Variants in PYROXD1 observed in about 807,000 individuals in gnomAD.
The protein encoded by PYROXD1 is tRNA ligase complex-associated NAD(P)H dehydrogenase PYROXD1.
PYROXD1 carries 42 observed loss-of-function variants against 62.0 expected under a neutral mutation model. That is an observed-to-expected ratio of 0.68 (90% confidence interval 0.53 to 0.88). PYROXD1 has a LOEUF of 0.88. PYROXD1 is among the 40% of genes least tolerant of loss of function. The probability of loss-of-function intolerance (pLI) is 0.00; values close to 1 mark genes in which losing one functional copy is unlikely to be tolerated. For missense variants in PYROXD1, 493 were observed against 604.8 expected, an observed-to-expected ratio of 0.82 and a Z score of 1.94; for synonymous variants, 170 against 206.4, an observed-to-expected ratio of 0.82 and a Z score of 1.51.
Position 21,470,384 on chromosome 12 carries a change from T to G in PYROXD1, c.*1630T>G. The stretch of plus-strand genomic sequence containing the variant: ...AAAAAAAACAAAGCAAGCACCTTGG[T>G]AAAAATCCAGCTATTCAGTTTTCTC... On this transcript the variant is annotated 3_prime_UTR_variant, in exon 12 of 12. Transcript: ENST00000240651. 1 of 1,502,696 alleles carries G rather than the reference T, an allele frequency of 6.7e-7. No homozygotes were observed. The highest frequency in any genetic ancestry group is 8.9e-7 in the Non-Finnish European group (1 of 1,129,492). The allele number at this position is 1,502,696 out of a possible 1,614,324, so 93.1% of individuals were successfully genotyped here. A position where few individuals can be genotyped will look rare whatever the true frequency, so the allele number is the denominator to read the frequency against.
intron 7 of PYROXD1, among the ~76,000 whole-genome samples, chr12:21,460,214 C>T (rs11046070): frequency 0.49 from 74,588 of 151,526 alleles, 18,416 homozygotes; most frequent in Middle Eastern, 0.59. Context: ...GTCCCTTCTT[C>T]TTGCACCTTC....
At chr12:21,454,801 A>G (rs1942565652) in intron 5 of PYROXD1, 2 of 161,876 alleles carry the variant, frequency 1.2e-5, no homozygotes, top group African/African-American at 4.8e-5. Flanking sequence ...AGCACTGCTT[A>G]CCCCTGGGGG....
Position 21,446,313 on chromosome 12 carries a change from A to G in PYROXD1, c.285+847A>G, listed in dbSNP as rs183557996. On this transcript the variant is annotated intron_variant, in intron 3 of 11. Transcript: ENST00000240651. ...TGGCGTGCACCTGTTAGTCCCAGCT[A>G]CTCGGGAGACTTGAGGCAGGAGAAT... Among the ~76,000 whole-genome samples, 6 of 112,228 alleles carry G rather than the reference A, an allele frequency of 5.3e-5. No homozygotes were observed. The East Asian group carries it at 1.7e-3, about 32-fold the overall frequency. 73.6% of individuals were successfully genotyped at this position (112,228 alleles called of 152,430 possible). A position where few individuals can be genotyped will look rare whatever the true frequency, so the allele number is the denominator to read the frequency against.
intron 6 of PYROXD1, 77 bp from the exon 7 acceptor site, chr12:21,455,918 C>T: frequency 1.2e-6 from 1 of 832,990 alleles, no homozygotes; most frequent in South Asian, 1.5e-5. Flanking sequence ...CATTACATTG[C>T]CTAAATAAAA....
chr12:21,442,572 T>G (rs1942315979), intron 2 of PYROXD1, among the ~76,000 whole-genome samples: 1 of 152,188 alleles, frequency 6.6e-6, no homozygotes. Context: ...CCGTAGAACC[T>G]GGGTCTGAGG....
intron 3 of PYROXD1, chr12:21,448,132 C>T: frequency 1.5e-6 from 1 of 675,118 alleles, no homozygotes; most frequent in South Asian, 1.5e-5. Flanking sequence ...TCTCTTTTTA[C>T]AGTAAATTCA....
At chr12:21,459,968 A>G (rs911045178) in intron 7 of PYROXD1, among the ~76,000 whole-genome samples, 1 of 152,216 alleles carries the variant, frequency 6.6e-6, no homozygotes, top group African/African-American at 2.4e-5. Flanking sequence ...GATTGGAAAT[A>G]CACACTTAAT....
intron 10 of PYROXD1, among the ~76,000 whole-genome samples, chr12:21,464,137 G>T (rs866689319): frequency 0.056 from 8,229 of 146,842 alleles, 293 homozygotes; most frequent in African/African-American, 0.1. Context: ...GAGTTTATGG[G>T]TTTTTTTTTT....
At position 21,470,735 on chromosome 12, in the gene PYROXD1, C is replaced by T; in HGVS notation, c.*1981C>T. 1 of 346,194 alleles carries T rather than the reference C, an allele frequency of 2.9e-6. No homozygotes were observed. The allele number at this position is 346,194 out of a possible 1,614,324, so 21.4% of individuals were successfully genotyped here. A position where few individuals can be genotyped will look rare whatever the true frequency, so the allele number is the denominator to read the frequency against. ...ACAAAATTAGATATTCAAACGGAGTCCTCCCATTCCAAGAAACTGGAAACC... is the reference window on the plus strand; with the variant it reads ...ACAAAATTAGATATTCAAACGGAGTTCTCCCATTCCAAGAAACTGGAAACC... On this transcript the variant is annotated 3_prime_UTR_variant, in exon 12 of 12. Transcript: ENST00000240651.
At chr12:21,449,231 G>A (rs1217232091) in intron 3 of PYROXD1, among the ~76,000 whole-genome samples, 1 of 152,048 alleles carries the variant, frequency 6.6e-6, no homozygotes, top group South Asian at 2.1e-4. Context: ...TTAACGTGGG[G>A]TCAACATACC....
At chr12:21,450,885 A>G (rs7303408) in intron 4 of PYROXD1, among the ~76,000 whole-genome samples, 5 of 151,894 alleles carry the variant, frequency 3.3e-5, no homozygotes, top group African/African-American at 1.2e-4. Context: ...ATTACTCCCA[A>G]TTTACAAATA....
At chr12:21,461,004 C>T in intron 7 of PYROXD1, 21 bp from the exon 8 acceptor site, 1 of 1,451,066 alleles carries the variant, frequency 6.9e-7, no homozygotes, top group Non-Finnish European at 9.3e-7. Context: ...ATTATGCTAA[C>T]CAGTATTTTC....
intron 3 of PYROXD1, chr12:21,448,168 C>A: frequency 1.5e-6 from 1 of 667,132 alleles, no homozygotes; most frequent in East Asian, 2.8e-5. Context: ...ATCAATTTCA[C>A]ATACCTGGCA....
intron 7 of PYROXD1, among the ~76,000 whole-genome samples, chr12:21,457,363 T>A (rs966739532): frequency 1.3e-5 from 2 of 152,144 alleles, no homozygotes; most frequent in Non-Finnish European, 1.5e-5. Context: ...ATTCATCTCC[T>A]TGTGCATCTC....
At chr12:21,459,564 C>G (rs1393642921) in intron 7 of PYROXD1, among the ~76,000 whole-genome samples, 1 of 152,100 alleles carries the variant, frequency 6.6e-6, no homozygotes, top group African/African-American at 2.4e-5. Flanking sequence ...TTAGTCAGAC[C>G]AACTGGTAAA....
At chr12:21,448,189 C>T (rs1179378619) in intron 3 of PYROXD1, 6 of 636,396 alleles carry the variant, frequency 9.4e-6, no homozygotes, top group African/African-American at 3.7e-5. Flanking sequence ...TCAGGGCCTT[C>T]ACAGCCACCA....
intron 5 of PYROXD1, among the ~76,000 whole-genome samples, chr12:21,453,427 T>C (rs1036953770): frequency 1.3e-5 from 2 of 152,094 alleles, no homozygotes; most frequent in African/African-American, 4.8e-5. Context: ...GGCATACCCA[T>C]ACCCTTTCTA....
chr12:21,458,828 A>G (rs1942645142), intron 7 of PYROXD1, among the ~76,000 whole-genome samples: 1 of 152,218 alleles, frequency 6.6e-6, no homozygotes, highest in South Asian at 2.1e-4. Flanking sequence ...ATCAAAGATT[A>G]CTAATCACAG....
At chr12:21,465,318 C>T (rs1942772251) in intron 10 of PYROXD1, among the ~76,000 whole-genome samples, 1 of 152,152 alleles carries the variant, frequency 6.6e-6, no homozygotes, top group African/African-American at 2.4e-5. Context: ...TCTCCACATC[C>T]TCTCCAGCAC....
Sources: allele counts gnomAD v4.1 joint callset (sites outside exome capture counted in the v4.1 genomes callset), GRCh38; gene constraint gnomAD v4.1.1; transcripts MANE v1.5; gene names NCBI Gene and HGNC (gene_info 2026-07-23, HGNC 2026-07-21).